DLC1: variants seen among roughly 807,000 people sequenced by gnomAD.
DLC1 encodes DLC1 Rho GTPase activating protein, also known as rho GTPase-activating protein 7.
A neutral mutation model predicts 140.3 loss-of-function variants in DLC1; 54 were observed. That is an observed-to-expected ratio of 0.38 (90% CI 0.31 to 0.48). DLC1 has a LOEUF of 0.48. Ranked by LOEUF, DLC1 falls within the 20% of genes least tolerant of loss-of-function variation. The pLI is 0.96. For synonymous variants in DLC1, 986 were observed against 728.1 expected (o/e 1.35, Z -5.70); for missense variants, 2,536 against 1,907.0 (o/e 1.33, Z -6.14).
intron 2 of DLC1, among the ~76,000 whole-genome samples, chr8:13,476,589 C>T (rs1439636994): frequency 7.9e-5 from 12 of 151,904 alleles, no homozygotes. Flanking sequence ...CAGACTCAGA[C>T]CAGAGTGGTC....
intron 5 of DLC1, among the ~76,000 whole-genome samples, chr8:13,206,126 T>G (rs1827652723): frequency 6.6e-6 from 1 of 152,222 alleles, no homozygotes; most frequent in Non-Finnish European, 1.5e-5. Context: ...CTGTGATGTT[T>G]AGTTATGTAA....
intron 4 of DLC1, among the ~76,000 whole-genome samples, chr8:13,386,044 T>A (rs289526): frequency 1 from 151,792 of 152,292 alleles, 75,648 homozygotes; most frequent in Middle Eastern, 1. Context: ...TTGCCATTTT[T>A]TATTGCCCAG....
Position 13,085,898 on chromosome 8 carries a change from A to G in DLC1, c.4500T>C (p.Phe1500=). 1 of 1,614,206 alleles carries G rather than the reference A, an allele frequency of 6.2e-7. No homozygotes were observed. The highest frequency in any genetic ancestry group is 1.3e-5 in the African/African-American group (1 of 75,066). The change falls in exon 18 of 18, where the codon TTT becomes TTC. Residue 1500 remains phenylalanine (F), a synonymous_variant. Coordinates refer to ENST00000276297, the MANE Select transcript of DLC1 (RefSeq NM_182643.3). ...CAACTTCAGCTGCACACAAATGTCCAAAAGATTTTGTGTACCATTCTGGCA... is the reference window on the plus strand; with the variant it reads ...CAACTTCAGCTGCACACAAATGTCCGAAAGATTTTGTGTACCATTCTGGCA... ...GHMPEWYTKS[F]GHLCAAEVVK... is the part of the protein sequence containing the mutation.
At chr8:13,186,674 A>G (rs2410037) in intron 5 of DLC1, among the ~76,000 whole-genome samples, 11,984 of 152,294 alleles carry the variant, frequency 0.079, 617 homozygotes, top group Non-Finnish European at 0.11. Context: ...GTCATTCTCC[A>G]TCCAGCTTTG....
At chr8:13,439,769 T>C (rs1000047482) in intron 2 of DLC1, among the ~76,000 whole-genome samples, 2 of 152,156 alleles carry the variant, frequency 1.3e-5, no homozygotes, top group Non-Finnish European at 2.9e-5. Context: ...AACTACCAGC[T>C]TCCAGAAAAC....
chr8:13,230,597 C>CTTTTTTTTT (rs548424340), intron 5 of DLC1, among the ~76,000 whole-genome samples: 1 of 133,728 alleles, frequency 7.5e-6, no homozygotes, highest in African/African-American at 2.8e-5. Context: ...TTTCTTTTTT[C>CTTTTTTTTT]TTTTTTTTTT....
intron 2 of DLC1, among the ~76,000 whole-genome samples, chr8:13,441,406 A>C (rs1171540591): frequency 6.6e-6 from 1 of 152,246 alleles, no homozygotes; most frequent in Non-Finnish European, 1.5e-5. Context: ...TTAGGAAAAG[A>C]GGAAGTCAAA....
At chr8:13,512,440 T>A (rs530793121) in intron 1 of DLC1, among the ~76,000 whole-genome samples, 1 of 152,162 alleles carries the variant, frequency 6.6e-6, no homozygotes, top group Non-Finnish European at 1.5e-5. Context: ...AGACATTTAT[T>A]TATATACTGT....
chr8:13,476,588 A>G (rs1364718900), intron 2 of DLC1, among the ~76,000 whole-genome samples: 1 of 152,102 alleles, frequency 6.6e-6, no homozygotes, highest in Non-Finnish European at 1.5e-5. Context: ...ACAGACTCAG[A>G]CCAGAGTGGT....
chr8:13,170,368 A>G (rs1825377093), intron 5 of DLC1, among the ~76,000 whole-genome samples: 1 of 152,246 alleles, frequency 6.6e-6, no homozygotes, highest in South Asian at 2.1e-4. Context: ...AATTAATAGT[A>G]GTCTTCTGAA....
chr8:13,117,308 C>G (rs1487716205), intron 5 of DLC1, among the ~76,000 whole-genome samples: 1 of 151,692 alleles, frequency 6.6e-6, no homozygotes, highest in African/African-American at 2.4e-5. Context: ...CTGTCTCTAC[C>G]AAAGAAAAAA....
At chr8:13,277,668 C>T (rs1831224930) in intron 5 of DLC1, among the ~76,000 whole-genome samples, 1 of 152,108 alleles carries the variant, frequency 6.6e-6, no homozygotes, top group Non-Finnish European at 1.5e-5. Flanking sequence ...AGATTTTTTG[C>T]CTTTTAAATG....
intron 16 of DLC1, 83 bp downstream of exon 16, chr8:13,088,404 C>T (rs1393358481): frequency 6.8e-7 from 1 of 1,460,792 alleles, no homozygotes; most frequent in South Asian, 1.3e-5. Flanking sequence ...ATAATTATAC[C>T]ATCTTGTAAG....
Position 13,223,878 on chromosome 8 carries a change from C to T in DLC1, c.1348+81391G>A, listed in dbSNP as rs973829861. Among the ~76,000 whole-genome samples the T allele has an allele frequency of 3.3e-5, 5 of 152,242 alleles. No individual in the cohort carries two copies. In the East Asian group the frequency reaches 7.7e-4, roughly 24 times the overall value. ...TTTCACTAAAAGGTGGAGAGTTTTA[C>T]ATTACACACTAAAACAGAAACAAAT... On this transcript the variant is annotated intron_variant, in intron 5 of 17. Transcript: ENST00000276297.
At chr8:13,221,602 C>A (rs1828551462) in intron 5 of DLC1, among the ~76,000 whole-genome samples, 1 of 150,440 alleles carries the variant, frequency 6.6e-6, no homozygotes, top group South Asian at 2.1e-4. Flanking sequence ...AACCCCTGAC[C>A]TCAAGTGATC....
rs58701617 is a variant in DLC1 at position 13,267,729 on chromosome 8, AGTGTGTGTGTGTGTGTGTGT to A, written c.1348+37520_1348+37539del. ...CTTTGAAGTCATGTGATTCCTGAGG[AGTGTGTGTGTGTGTGTGTGT>A]GTGTGTGTGTGTGTGTGTGTGTGCA... On this transcript the variant is annotated intron_variant, in intron 5 of 17. Transcript: ENST00000276297. 9.3e-5 allele frequency among the ~76,000 whole-genome samples: 13 copies of A among 140,502 alleles called. No homozygotes were observed. The East Asian group carries it at 2.8e-3, about 30-fold the overall frequency. 92.2% of individuals were successfully genotyped at this position (140,502 alleles called of 152,430 possible). A position where few individuals can be genotyped will look rare whatever the true frequency, so the allele number is the denominator to read the frequency against.
chr8:13,096,638 A>G (rs759561152), intron 10 of DLC1, among the ~76,000 whole-genome samples: 1 of 152,170 alleles, frequency 6.6e-6, no homozygotes, highest in Non-Finnish European at 1.5e-5. Flanking sequence ...TCTGTCATTC[A>G]GAACAAACAA....
intron 5 of DLC1, chr8:13,133,296 C>G (rs1231525017): frequency 1.9e-5 from 24 of 1,258,352 alleles, no homozygotes; most frequent in South Asian, 4.0e-5. Context: ...AACTGTCTCC[C>G]GCGCGCTCCG....
chr8:13,601,120 T>G (rs867660619), intron 1 of DLC1, among the ~76,000 whole-genome samples: 1 of 151,732 alleles, frequency 6.6e-6, no homozygotes, highest in Non-Finnish European at 1.5e-5. Context: ...TAATATTATT[T>G]TAGGTGTGCA....
Sources: gnomAD v4.1 joint callset for allele counts (sites outside exome capture counted in the v4.1 genomes callset) on GRCh38, gnomAD v4.1.1 for gene constraint, MANE v1.5 for transcripts, NCBI Gene and HGNC (gene_info 2026-07-23, HGNC 2026-07-21) for gene names.